CD300E: variants seen among roughly 807,000 people sequenced by gnomAD.
CD300E encodes CMRF35-like molecule 2.
A neutral mutation model predicts 20.9 loss-of-function variants in CD300E; 14 were observed. The ratio of observed to expected loss-of-function variants is 0.67; its 90% CI spans 0.44 to 1.05. CD300E has a LOEUF of 1.05. CD300E is among the 50% of genes least tolerant of loss of function. The pLI is 0.00. For missense variants in CD300E, 237 were observed against 253.9 expected (o/e 0.93, Z 0.45); for synonymous variants, 102 against 103.7 (o/e 0.98, Z 0.10).
rs2030757187 is a variant in CD300E at position 74,610,675 on chromosome 17, G to C, written c.*1978C>G. ...CCCACCATAGCTAATCAAAGTTTAA[G>C]TAAGAGTTGAGTCCTAAGCCTCCTG... is the stretch of plus-strand genomic sequence containing the variant. On this transcript the variant is annotated 3_prime_UTR_variant, in exon 4 of 4. Transcript: ENST00000392619. 1 of 152,174 alleles carries C rather than the reference G, an allele frequency of 6.6e-6. No individual in the cohort carries two copies. The highest frequency in any genetic ancestry group is 1.5e-5 in the Non-Finnish European group (1 of 68,046). 9.4% of individuals were successfully genotyped at this position (152,174 alleles called of 1,614,324 possible).
At chr17:74,619,476 A>G (rs1407099969) in intron 1 of CD300E, 1 of 187,396 alleles carries the variant, frequency 5.3e-6, no homozygotes, top group East Asian at 1.6e-4. Context: ...ATTGCGTAAG[A>G]GCTGGCCTGG....
chr17:74,616,104 G>T (rs572594554), intron 2 of CD300E, among the ~76,000 whole-genome samples: 1 of 151,936 alleles, frequency 6.6e-6, no homozygotes, highest in African/African-American at 2.4e-5. Context: ...AAAAGAAAAT[G>T]TGATCTATTG....
At chr17:74,622,343 T>C (rs2031040225) in intron 1 of CD300E, among the ~76,000 whole-genome samples, 1 of 151,934 alleles carries the variant, frequency 6.6e-6, no homozygotes, top group Admixed American at 6.6e-5. Context: ...GTGCAGTGGC[T>C]CATGCCTGTA....
rs2030769989 is a variant in CD300E, at chr17:74,611,255, T to C, written c.*1398A>G. On this transcript the variant is annotated 3_prime_UTR_variant, in exon 4 of 4. Transcript: ENST00000392619. The stretch of plus-strand genomic sequence containing the variant: ...CCCTAGTCACCATGCATGATGGAGC[T>C]GGGAGCCCCACCAGAGCTCAAGTTC... The C allele has an allele frequency of 6.6e-6, 1 of 152,312 alleles. No individual in the cohort carries two copies. Among genetic ancestry groups the C allele is most frequent in the Admixed American group, 6.5e-5 (1 of 15,288 alleles). 9.4% of individuals were successfully genotyped at this position (152,312 alleles called of 1,614,324 possible).
Position 74,614,296 on chromosome 17 carries a change from C to T in CD300E, c.389-263G>A, listed in dbSNP as rs181391074. 3.1e-3 allele frequency among the ~76,000 whole-genome samples: 477 copies of T among 152,138 alleles called. 1 individual carries two copies. The highest frequency in any genetic ancestry group is 5.7e-3 in the Non-Finnish European group (387 of 67,992). Reference sequence around the variant, plus strand: ...GACTCTTACCACTCTGCCCACTCTGCCCTCATCCCACTCTGCCTGGGGTGA... The same window carrying T: ...GACTCTTACCACTCTGCCCACTCTGTCCTCATCCCACTCTGCCTGGGGTGA... On this transcript the variant is annotated intron_variant, in intron 2 of 3. Coordinates refer to ENST00000392619, the MANE Select transcript of CD300E (RefSeq NM_181449.3).
chr17:74,622,481 G>C (rs2031042670), intron 1 of CD300E, among the ~76,000 whole-genome samples: 1 of 151,926 alleles, frequency 6.6e-6, no homozygotes, highest in Non-Finnish European at 1.5e-5. Flanking sequence ...AAAGAATCTT[G>C]TCATTACATT....
Position 74,619,980 on chromosome 17 carries a change from C to G in CD300E, c.41-2515G>C, listed in dbSNP as rs114265718. On this transcript the variant is annotated intron_variant, in intron 1 of 3. Transcript: ENST00000392619. ...GATGGCTATTCTCTCCAGTAGGCAA[C>G]CTTCTCATTGAAATGAAACCAATTC... Among the ~76,000 whole-genome samples, 528 of 152,360 alleles carry G rather than the reference C, an allele frequency of 3.5e-3. 4 individuals carry two copies. The highest frequency in any genetic ancestry group is 0.012 in the African/African-American group (513 of 41,578).
Position 74,617,393 on chromosome 17 carries a change from T to A in CD300E, c.113A>T (p.Tyr38Phe). ...GTTATATCCCTTGTACATGCTCTCATACTGACACCACACTGTCAGAGAGTC... is the reference window on the plus strand; with the variant it reads ...GTTATATCCCTTGTACATGCTCTCAAACTGACACCACACTGTCAGAGAGTC... ...AGDSLTVWCQ[Y>F]ESMYKGYNKY... Residue 38 changes from tyrosine to phenylalanine, a missense_variant, in exon 2 of 4, where the codon TAT (tyrosine) becomes TTT (phenylalanine). Transcript: ENST00000392619. 3 of 1,614,104 alleles carry A rather than the reference T, an allele frequency of 1.9e-6. No individual in the cohort carries two copies. Among genetic ancestry groups the A allele is most frequent in the East Asian group, 2.2e-5 (1 of 44,882 alleles).
In CD300E at chr17:74,612,580, G is replaced by C. The variant is rs2030807304; in HGVS notation, c.*73C>G. The stretch of plus-strand genomic sequence containing the variant: ...AGAGTCCACAGGTCTCTCGCATCCA[G>C]TCTGAAAGGTTGACTCCCTGCACGG... On this transcript the variant is annotated 3_prime_UTR_variant, in exon 4 of 4. Transcript: ENST00000392619. 2.3e-5 allele frequency: 36 copies of C among 1,578,730 alleles called. 1 individual carries two copies. The South Asian group carries it at 3.7e-4, about 16-fold the overall frequency.
Position 74,617,282 on chromosome 17 carries a change from C to T in CD300E, c.224G>A (p.Arg75His), listed in dbSNP as rs1459123068. Reference sequence around the variant, plus strand: ...CTCCGGGTGGTCTCTGATGGACACGCGGCCATTCCTCTCCACCTTCTCTTC... The same window carrying T: ...CTCCGGGTGGTCTCTGATGGACACGTGGCCATTCCTCTCCACCTTCTCTTC... The part of the protein sequence containing the change: ...KGEEKVERNG[R>H]VSIRDHPEAL... Residue 75 changes from arginine to histidine, a missense_variant, in exon 2 of 4, where the codon CGC becomes CAC. By Grantham distance (29) the Arg-to-His change is conservative (BLOSUM62 0). Transcript: ENST00000392619. 2.5e-6 allele frequency: 4 copies of T among 1,614,208 alleles called. No individual in the cohort carries two copies. The highest frequency in any genetic ancestry group is 2.5e-6 in the Non-Finnish European group (3 of 1,180,032).
At chr17:74,623,475 TC>T in intron 1 of CD300E, 106 bp downstream of exon 1, 2 of 1,033,126 alleles carry the variant, frequency 1.9e-6, no homozygotes. Flanking sequence ...GATGTATCTT[TC>T]CCTTTTCTGT....
At chr17:74,622,219 G>A (rs191605075) in intron 1 of CD300E, among the ~76,000 whole-genome samples, 27 of 151,936 alleles carry the variant, frequency 1.8e-4, no homozygotes, top group Admixed American at 1.2e-3. Context: ...AGGGACCTGC[G>A]CAGGTCACAT....
At chr17:74,619,221 G>T (rs2030968856) in intron 1 of CD300E, 2 of 454,954 alleles carry the variant, frequency 4.4e-6, no homozygotes, top group Admixed American at 4.8e-5. Flanking sequence ...AGGGTACAAA[G>T]GGCTTGTCAC....
intron 1 of CD300E, among the ~76,000 whole-genome samples, chr17:74,621,097 C>A (rs1413054510): frequency 6.6e-6 from 1 of 152,114 alleles, no homozygotes; most frequent in Non-Finnish European, 1.5e-5. Flanking sequence ...AGGGGTGTGG[C>A]TGATTAAATC....
chr17:74,614,475 CT>C (rs151029563), intron 2 of CD300E, among the ~76,000 whole-genome samples: 21,976 of 113,232 alleles, frequency 0.19, 2,282 homozygotes, highest in African/African-American at 0.38. Context: ...TGTGGACACT[CT>C]TTTTTTTTTT....
Position 74,614,318 on chromosome 17 carries a change from G to A in CD300E, c.389-285C>T, listed in dbSNP as rs952259898. Among the ~76,000 whole-genome samples, 4 of 152,094 alleles carry A rather than the reference G, an allele frequency of 2.6e-5. No individual in the cohort carries two copies. In the East Asian group the frequency reaches 7.8e-4, roughly 30 times the overall value. On this transcript the variant is annotated intron_variant, in intron 2 of 3. Transcript: ENST00000392619. Reference sequence around the variant, plus strand: ...CTGCCCTCATCCCACTCTGCCTGGGGTGAGGGCAGGGGTCTCTCTGGGCTT... The same window carrying A: ...CTGCCCTCATCCCACTCTGCCTGGGATGAGGGCAGGGGTCTCTCTGGGCTT...
intron 3 of CD300E, among the ~76,000 whole-genome samples, 185 bp from the exon 4 acceptor site, chr17:74,612,958 C>T (rs2030817158): frequency 6.6e-6 from 1 of 152,208 alleles, no homozygotes; most frequent in Non-Finnish European, 1.5e-5. Context: ...TCAAGGACTG[C>T]CCGGGGGGTC....
rs1258299617 is a variant in CD300E, at chr17:74,617,376, C to A, written c.130G>T (p.Gly44Ter). 3 of 1,614,180 alleles carry A rather than the reference C, an allele frequency of 1.9e-6. No individual in the cohort carries two copies. Among genetic ancestry groups the A allele is most frequent in the Non-Finnish European group, 2.5e-6 (3 of 1,180,042 alleles). The change falls in exon 2 of 4, where the codon GGA becomes TGA. Residue 44 changes from glycine to a stop codon, truncating the protein, a stop_gained. Transcript: ENST00000392619. LOFTEE classifies it high-confidence loss of function. Reference protein sequence around the residue: ...VWCQYESMYKGYNKYWCRGQY... With the variant: ...VWCQYESMYK Reference sequence around the variant, plus strand: ...CCTCGGCACCAGTACTTGTTATATCCCTTGTACATGCTCTCATACTGACAC... The same window carrying A: ...CCTCGGCACCAGTACTTGTTATATCACTTGTACATGCTCTCATACTGACAC...
rs1328325698 is a variant in CD300E at position 74,610,583 on chromosome 17, G to A, written c.*2070C>T. On this transcript the variant is annotated 3_prime_UTR_variant, in exon 4 of 4. Transcript: ENST00000392619. ...TCCCAGATTCTTCCTTTCAGACTTT[G>A]CTACATCTGCTAGGCAAGTCCTCCT... 1 of 152,190 alleles carries A rather than the reference G, an allele frequency of 6.6e-6. No individual in the cohort carries two copies. Among genetic ancestry groups the A allele is most frequent in the Non-Finnish European group, 1.5e-5 (1 of 68,048 alleles). The allele number at this position is 152,190 out of a possible 1,614,324, so 9.4% of individuals were successfully genotyped here.
Sources: gnomAD v4.1 joint callset for allele counts (sites outside exome capture counted in the v4.1 genomes callset) on GRCh38, gnomAD v4.1.1 for gene constraint, MANE v1.5 for transcripts, NCBI Gene and HGNC (gene_info 2026-07-23, HGNC 2026-07-21) for gene names.